CDH13: variants seen among roughly 807,000 people sequenced by gnomAD.
CDH13 encodes the protein cadherin-13.
A neutral mutation model predicts 63.8 loss-of-function variants in CDH13; 24 were observed. The observed-to-expected ratio is 0.38, with a 90% CI of 0.27 to 0.53. The LOEUF (loss-of-function observed/expected upper bound fraction) is 0.53. Among genes scored for constraint, CDH13 ranks in the 20% least tolerant of loss-of-function variants. The pLI is 0.85. For missense variants in CDH13, 1,049 were observed against 903.1 expected, an observed-to-expected ratio of 1.16 and a Z score of -2.07; for synonymous variants, 503 against 355.3, an observed-to-expected ratio of 1.42 and a Z score of -4.67.
intron 6 of CDH13, among the ~76,000 whole-genome samples, chr16:83,431,361 G>T (rs1567668056): frequency 6.6e-6 from 1 of 151,790 alleles, no homozygotes; most frequent in Non-Finnish European, 1.5e-5. Context: ...TACGATCCTG[G>T]TCCTATCTCC....
rs1235786449 is a variant in CDH13, at chr16:83,022,670, T to TC, written c.158-9339dup. ...GGCTACAACTTCCAGGGTGACTGATTCAGAGCCTGTAATTCTGATTCATAT... is the reference window on the plus strand; with the variant it reads ...GGCTACAACTTCCAGGGTGACTGATTCCAGAGCCTGTAATTCTGATTCATAT... On this transcript the variant is annotated intron_variant, in intron 2 of 13. Coordinates refer to ENST00000567109, the MANE Select transcript of CDH13 (RefSeq NM_001257.5). Among the ~76,000 whole-genome samples, 4 of 152,294 alleles carry TC rather than the reference T, an allele frequency of 2.6e-5. No homozygotes were observed. In the East Asian group the frequency reaches 7.7e-4, roughly 29 times the overall value.
At chr16:83,569,354 C>A (rs1394199039) in intron 7 of CDH13, among the ~76,000 whole-genome samples, 1 of 152,152 alleles carries the variant, frequency 6.6e-6, no homozygotes, top group Non-Finnish European at 1.5e-5. Context: ...ACAGATTGTC[C>A]CTGTAAGCCA....
intron 7 of CDH13, among the ~76,000 whole-genome samples, chr16:83,544,829 C>T (rs1175153153): frequency 3.9e-5 from 6 of 152,132 alleles, no homozygotes; most frequent in Non-Finnish European, 8.8e-5. Context: ...CAAAGGGTAT[C>T]TACTAGGATT....
intron 6 of CDH13, among the ~76,000 whole-genome samples, chr16:83,351,505 C>T (rs555208804): frequency 4.6e-5 from 7 of 152,162 alleles, no homozygotes; most frequent in African/African-American, 1.2e-4. Context: ...TGTGCTTTTC[C>T]GTAAATCTCT....
chr16:83,643,289 AAAAAAAAAAAAAG>A (rs1307475408), intron 8 of CDH13, among the ~76,000 whole-genome samples: 1,105 of 44,938 alleles, frequency 0.025, 135 homozygotes, highest in African/African-American at 0.094. Flanking sequence ...ATAATAAAAA[AAAAAAAAAAAAAG>A]AAAAAAAAAA....
intron 5 of CDH13, among the ~76,000 whole-genome samples, chr16:83,342,851 T>G (rs1295679776): frequency 1.4e-5 from 2 of 144,762 alleles, no homozygotes; most frequent in Admixed American, 1.4e-4. Flanking sequence ...CTGTTTTTTT[T>G]TTTTTTTTTT....
intron 3 of CDH13, among the ~76,000 whole-genome samples, chr16:83,037,727 G>C (rs1450435901): frequency 6.6e-6 from 1 of 152,186 alleles, no homozygotes. Flanking sequence ...GAACAGCATA[G>C]TGGTGGGAGT....
intron 4 of CDH13, among the ~76,000 whole-genome samples, chr16:83,182,784 C>T (rs1029785055): frequency 6.6e-6 from 1 of 152,176 alleles, no homozygotes; most frequent in African/African-American, 2.4e-5. Context: ...GTATTAAATA[C>T]ACAAAATTAT....
At chr16:82,812,707 C>T (rs540915702) in intron 1 of CDH13, among the ~76,000 whole-genome samples, 8 of 151,974 alleles carry the variant, frequency 5.3e-5, no homozygotes, top group East Asian at 3.9e-4. Flanking sequence ...AGAAGTTTGG[C>T]GGCTAAAAAG....
At chr16:83,074,187 T>C (rs1049677634) in intron 3 of CDH13, among the ~76,000 whole-genome samples, 6 of 152,190 alleles carry the variant, frequency 3.9e-5, no homozygotes, top group African/African-American at 1.4e-4. Flanking sequence ...GTAACCACCA[T>C]TGCGCTCTTT....
At chr16:83,067,129 C>T (rs1056714209) in intron 3 of CDH13, among the ~76,000 whole-genome samples, 7 of 152,146 alleles carry the variant, frequency 4.6e-5, no homozygotes, top group African/African-American at 1.4e-4. Flanking sequence ...TCCCTAGGAG[C>T]CATTTTGTCT....
intron 2 of CDH13, among the ~76,000 whole-genome samples, chr16:82,869,330 A>G (rs1489591435): frequency 2.0e-5 from 3 of 150,988 alleles, no homozygotes; most frequent in African/African-American, 4.9e-5. Flanking sequence ...GGTGTGAACC[A>G]CTGCGCTCAG....
intron 5 of CDH13, among the ~76,000 whole-genome samples, chr16:83,336,857 T>A (rs1195121662): frequency 6.6e-6 from 1 of 152,202 alleles, no homozygotes; most frequent in African/African-American, 2.4e-5. Flanking sequence ...ACAAAAAATA[T>A]TGGCTTTTAA....
At chr16:83,455,133 C>G (rs973785733) in intron 6 of CDH13, among the ~76,000 whole-genome samples, 1 of 152,196 alleles carries the variant, frequency 6.6e-6, no homozygotes, top group East Asian at 1.9e-4. Flanking sequence ...AGAGTTTGCT[C>G]AAGTCTGGAT....
chr16:83,550,070 G>A (rs1375797206), intron 7 of CDH13, among the ~76,000 whole-genome samples: 2 of 152,244 alleles, frequency 1.3e-5, no homozygotes, highest in Non-Finnish European at 2.9e-5. Flanking sequence ...TTGCCTTCTA[G>A]TGCAGGGGTG....
chr16:83,618,434 A>T (rs1171630593), intron 8 of CDH13, among the ~76,000 whole-genome samples: 1 of 151,696 alleles, frequency 6.6e-6, no homozygotes, highest in Non-Finnish European at 1.5e-5. Flanking sequence ...AAAAAAAAAA[A>T]GAAAAAGAAA....
chr16:83,213,578 C>T (rs1195440754), intron 4 of CDH13, among the ~76,000 whole-genome samples: 1 of 152,308 alleles, frequency 6.6e-6, no homozygotes, highest in Non-Finnish European at 1.5e-5. Flanking sequence ...GAAGCCCATT[C>T]TTGGGAAGCA....
chr16:83,510,774 A>G (rs568421767), intron 7 of CDH13, among the ~76,000 whole-genome samples: 100 of 152,340 alleles, frequency 6.6e-4, no homozygotes, highest in African/African-American at 2.1e-3. Flanking sequence ...ACCTGTGCAC[A>G]TGATTAGTTT....
At chr16:82,929,336 C>T (rs998353077) in intron 2 of CDH13, among the ~76,000 whole-genome samples, 3 of 151,898 alleles carry the variant, frequency 2.0e-5, no homozygotes, top group South Asian at 2.1e-4. Flanking sequence ...TGAACTCGCT[C>T]GTCCTTTTCT....
Sources: gnomAD v4.1 joint callset for allele counts (sites outside exome capture counted in the v4.1 genomes callset) on GRCh38, gnomAD v4.1.1 for gene constraint, MANE v1.5 for transcripts, NCBI Gene and HGNC (gene_info 2026-07-23, HGNC 2026-07-21) for gene names.